The following ADCY7 variants were observed in gnomAD, a reference collection of about 807,000 sequenced individuals.
ADCY7 encodes adenylate cyclase type 7.
Under a neutral mutation model 120.6 loss-of-function variants are expected in ADCY7, and 72 were observed. The ratio of observed to expected loss-of-function variants is 0.60; its 90% confidence interval spans 0.49 to 0.73. The LOEUF (loss-of-function observed/expected upper bound fraction) is 0.73, where lower values mean the gene tolerates loss of function less well. ADCY7 is among the 30% of genes least tolerant of loss of function. ADCY7 has a pLI of 0.00. For missense variants in ADCY7, 1,227 were observed against 1,486.0 expected, an observed-to-expected ratio of 0.83 and a Z score of 2.87; for synonymous variants, 661 against 628.0, an observed-to-expected ratio of 1.05 and a Z score of -0.78.
At chr16:50,269,525 A>G (rs2033427253) in intron 1 of ADCY7, among the ~76,000 whole-genome samples, 2 of 152,214 alleles carry the variant, frequency 1.3e-5, no homozygotes, top group Admixed American at 1.3e-4. Flanking sequence ...TGGCTGGGCC[A>G]GGGTGGGCTG....
At chr16:50,314,562 T>C in intron 24 of ADCY7, 156 bp downstream of exon 24, 1 of 605,062 alleles carries the variant, frequency 1.7e-6, no homozygotes, top group Non-Finnish European at 2.9e-6. Flanking sequence ...TTCTGATGTT[T>C]TGCATATAGT....
At chr16:50,248,886 C>T (rs890196160) in intron 1 of ADCY7, among the ~76,000 whole-genome samples, 1 of 152,180 alleles carries the variant, frequency 6.6e-6, no homozygotes, top group Non-Finnish European at 1.5e-5. Flanking sequence ...CTCAGGTGGA[C>T]GATACCCTTT....
At chr16:50,293,316 T>TTGCTGGTCCCTC (rs771120424) in intron 5 of ADCY7, 38 bp from the exon 6 acceptor site, 1 of 1,600,802 alleles carries the variant, frequency 6.2e-7, no homozygotes, top group East Asian at 2.2e-5. Flanking sequence ...GCCGGTCGCT[T>TTGCTGGTCCCTC]TGCTGGTCCC....
At chr16:50,262,967 C>T (rs972567962), upstream of ADCY7, among the ~76,000 whole-genome samples, 4 of 152,346 alleles carry the variant, frequency 2.6e-5, no homozygotes, top group African/African-American at 9.6e-5. Flanking sequence ...TCACCATGCT[C>T]ATTACCTTGT....
intron 1 of ADCY7, among the ~76,000 whole-genome samples, chr16:50,276,804 G>A (rs4785400): frequency 0.41 from 62,552 of 151,908 alleles, 13,786 homozygotes; most frequent in Non-Finnish European, 0.5. Context: ...ACGTTGCCCA[G>A]GCTGATCTTG....
At chr16:50,298,196 G>A (rs1033743319) in intron 7 of ADCY7, among the ~76,000 whole-genome samples, 2 of 151,928 alleles carry the variant, frequency 1.3e-5, no homozygotes, top group African/African-American at 4.8e-5. Context: ...CTTGAAACCT[G>A]CTGATCCCTT....
At chr16:50,256,750 A>C (rs1006776686) in intron 1 of ADCY7, among the ~76,000 whole-genome samples, 1 of 152,152 alleles carries the variant, frequency 6.6e-6, no homozygotes, top group Non-Finnish European at 1.5e-5. Context: ...ACCCTTGAGC[A>C]CTGTTGGTGG....
Position 50,299,175 on chromosome 16 carries a change from C to T in ADCY7, c.1076+144C>T, listed in dbSNP as rs973189471. 3.6e-6 allele frequency: 4 copies of T among 1,108,724 alleles called. No individual in the cohort carries two copies. In the Admixed American group the frequency reaches 1.2e-4, roughly 32 times the overall value. 68.7% of individuals were successfully genotyped at this position (1,108,724 alleles called of 1,614,324 possible). A position where few individuals can be genotyped will look rare whatever the true frequency, so the allele number is the denominator to read the frequency against. ...GGTGAAAGCAGCTTGCCTGGACCAC[C>T]CAGCCTGCTGGAGGATTCAGACTTC... On this transcript the variant is annotated intron_variant, in intron 8 of 25. Coordinates refer to ENST00000673801, the MANE Select transcript of ADCY7 (RefSeq NM_001114.5).
chr16:50,289,748 G>A (rs1015411725), intron 2 of ADCY7, among the ~76,000 whole-genome samples: 1 of 152,254 alleles, frequency 6.6e-6, no homozygotes, highest in Admixed American at 6.5e-5. Context: ...TTATAGGCGT[G>A]AGCCACCATG....
Position 50,316,210 on chromosome 16 carries a change from T to A in ADCY7, c.*705T>A, listed in dbSNP as rs987146653. 2 of 152,364 alleles carry A rather than the reference T, an allele frequency of 1.3e-5. No individual in the cohort carries two copies. The highest frequency in any genetic ancestry group is 4.8e-5 in the African/African-American group (2 of 41,418). 9.4% of individuals were successfully genotyped at this position (152,364 alleles called of 1,614,324 possible). ...TGCTCTGCCTTTTTAACCACTGACATGTAAGGAGGACTACTGTCTAGCATC... is the reference window on the plus strand; with the variant it reads ...TGCTCTGCCTTTTTAACCACTGACAAGTAAGGAGGACTACTGTCTAGCATC... On this transcript the variant is annotated 3_prime_UTR_variant, in exon 26 of 26. Transcript: ENST00000673801.
chr16:50,300,451 G>C (rs2035640786), intron 8 of ADCY7, among the ~76,000 whole-genome samples: 2 of 152,220 alleles, frequency 1.3e-5, no homozygotes, highest in Admixed American at 1.3e-4. Context: ...CCATCAACAT[G>C]GGCTGTAGTG....
In ADCY7 at chr16:50,298,900, G is replaced by T; in HGVS notation, c.949-4G>T. On this transcript the variant is annotated splice_polypyrimidine_tract_variant and splice_region_variant and intron_variant, in intron 7 of 25. Coordinates refer to ENST00000673801, the MANE Select transcript of ADCY7 (RefSeq NM_001114.5). ...AGTGACCAGGCCCTTCCCTCACCCTGCAGGCCAACGAGTGCATGCGAATCA... is the reference window on the plus strand; with the variant it reads ...AGTGACCAGGCCCTTCCCTCACCCTTCAGGCCAACGAGTGCATGCGAATCA... The T allele has an allele frequency of 6.2e-7, 1 of 1,612,712 alleles. No homozygotes were observed. The highest frequency in any genetic ancestry group is 8.5e-7 in the Non-Finnish European group (1 of 1,179,190).
intron 10 of ADCY7, chr16:50,301,651 C>T (rs2035729986): frequency 1.1e-5 from 2 of 186,210 alleles, no homozygotes; most frequent in African/African-American, 2.4e-5. Flanking sequence ...TCTGAGTGTC[C>T]TGGGTGCTGA....
chr16:50,310,566 G>A (rs934591257), intron 18 of ADCY7, 121 bp from the exon 19 acceptor site: 47 of 1,564,888 alleles, frequency 3.0e-5, no homozygotes, highest in Non-Finnish European at 4.0e-5. Context: ...TGAGAAGGGA[G>A]GTGGTAAGGC....
At chr16:50,287,696 AGC>A (rs1486665339) in intron 1 of ADCY7, among the ~76,000 whole-genome samples, 1 of 151,256 alleles carries the variant, frequency 6.6e-6, no homozygotes, top group East Asian at 2.0e-4. Flanking sequence ...AAAAAAAAAA[AGC>A]AGCCACATGT....
intron 1 of ADCY7, among the ~76,000 whole-genome samples, chr16:50,249,794 A>T (rs145233363): frequency 6.6e-6 from 1 of 152,188 alleles, no homozygotes; most frequent in Non-Finnish European, 1.5e-5. Flanking sequence ...GGCCATTGCC[A>T]GGTGTGGGGA....
chr16:50,292,017 C>T (rs547253378), intron 4 of ADCY7, 120 bp downstream of exon 4: 59 of 1,135,552 alleles, frequency 5.2e-5, no homozygotes, highest in Admixed American at 2.6e-4. Flanking sequence ...GCAGACAGCC[C>T]GCTCCAAGGC....
intron 1 of ADCY7, among the ~76,000 whole-genome samples, chr16:50,272,383 G>A (rs2033628813): frequency 6.6e-6 from 1 of 152,168 alleles, no homozygotes; most frequent in Non-Finnish European, 1.5e-5. Context: ...TCCTCATGCT[G>A]GCCTCTGAAA....
At chr16:50,301,003 GC>G in intron 9 of ADCY7, 78 bp from the exon 10 acceptor site, 1 of 1,564,230 alleles carries the variant, frequency 6.4e-7, no homozygotes. Context: ...TGGGGCCCAG[GC>G]CTGCCTGCTG....
Sources: allele counts gnomAD v4.1 joint callset (sites outside exome capture counted in the v4.1 genomes callset), GRCh38; gene constraint gnomAD v4.1.1; transcripts MANE v1.5; gene names NCBI Gene and HGNC (gene_info 2026-07-23, HGNC 2026-07-21).